Variants in EXT2 observed in about 807,000 individuals in gnomAD.
EXT2 encodes exostosin glycosyltransferase 2.
EXT2 carries 53 observed loss-of-function variants against 81.6 expected under a neutral mutation model. The ratio of observed to expected loss-of-function variants is 0.65; its 90% CI spans 0.52 to 0.82. EXT2 has a LOEUF of 0.82. Ranked by LOEUF, EXT2 falls within the 40% of genes least tolerant of loss-of-function variation. The pLI, the probability that EXT2 is intolerant of heterozygous loss-of-function variation, is 0.00. For synonymous variants in EXT2, 320 were observed against 340.0 expected (o/e 0.94, Z 0.65); for missense variants, 774 against 910.2 (o/e 0.85, Z 1.93).
At chr11:44,212,713 A>G (rs1027265312) in intron 10 of EXT2, among the ~76,000 whole-genome samples, 1 of 152,248 alleles carries the variant, frequency 6.6e-6, no homozygotes, top group Non-Finnish European at 1.5e-5. Context: ...CAGAATGTGG[A>G]GTATCTATAC....
At chr11:44,176,543 A>G (rs1955160676) in intron 8 of EXT2, among the ~76,000 whole-genome samples, 1 of 152,324 alleles carries the variant, frequency 6.6e-6, no homozygotes, top group African/African-American at 2.4e-5. Context: ...TCAGGTGACA[A>G]GAGCCCTGAT....
chr11:44,206,760 G>A (rs759434861), intron 9 of EXT2, 33 bp from the exon 10 acceptor site: 11 of 1,612,178 alleles, frequency 6.8e-6, no homozygotes, highest in Non-Finnish European at 9.3e-6. Flanking sequence ...ACAAAAGTTA[G>A]GAGAATAGTA....
chr11:44,229,665 A>G (rs1955876054), intron 10 of EXT2, among the ~76,000 whole-genome samples: 1 of 152,226 alleles, frequency 6.6e-6, no homozygotes, highest in Non-Finnish European at 1.5e-5. Context: ...TTAGTGGGGA[A>G]TTAGGACTGT....
chr11:44,147,061 T>C (rs753784559), intron 7 of EXT2, among the ~76,000 whole-genome samples: 5 of 152,294 alleles, frequency 3.3e-5, no homozygotes, highest in Admixed American at 6.5e-5. Context: ...AGATTGTTAA[T>C]TTATCCTTGT....
At position 44,130,555 on chromosome 11, in the gene EXT2, T is replaced by C. The variant is rs184594959; in HGVS notation, c.1173+417T>C. Among the ~76,000 whole-genome samples, 343 of 152,326 alleles carry C rather than the reference T, an allele frequency of 2.3e-3. 2 individuals carry two copies. The highest frequency in any genetic ancestry group is 3.7e-3 in the Non-Finnish European group (249 of 68,036). On this transcript the variant is annotated intron_variant, in intron 7 of 13. Transcript: ENST00000533608. The stretch of plus-strand genomic sequence containing the variant: ...TTCCCAGTTCAGTCATCCTTTGTAA[T>C]TCGGGAATCCTTCCCTCTCTTCTGG...
In EXT2 at chr11:44,249,334, G is replaced by C. The variant is rs938719471; in HGVS notation, c.*5047G>C. On this transcript the variant is annotated 3_prime_UTR_variant, in exon 14 of 14. Coordinates refer to ENST00000533608, the MANE Select transcript of EXT2 (RefSeq NM_207122.2). ...TTTTTCCTTTCTTCTGCTCTCAGTT[G>C]GTTGGACCACTGGTTGCATCTCTTC... 6.7e-5 allele frequency among the ~76,000 whole-genome samples: 10 copies of C among 149,514 alleles called. No individual in the cohort carries two copies. Among genetic ancestry groups the C allele is most frequent in the African/African-American group, 2.4e-4 (10 of 41,190 alleles).
chr11:44,133,029 C>T (rs542673394), intron 7 of EXT2, among the ~76,000 whole-genome samples: 1 of 152,172 alleles, frequency 6.6e-6, no homozygotes, highest in African/African-American at 2.4e-5. Flanking sequence ...AATAGCACCC[C>T]TCCCCTCAGT....
chr11:44,123,631 T>A (rs914299617), intron 4 of EXT2, among the ~76,000 whole-genome samples: 8 of 152,198 alleles, frequency 5.3e-5, no homozygotes, highest in Non-Finnish European at 1.2e-4. Context: ...GCATTCCAAA[T>A]CCAGAAATCT....
chr11:44,165,747 G>A lies in EXT2; in HGVS notation c.1174-5864G>A, dbSNP rs568097799. On this transcript the variant is annotated intron_variant, in intron 7 of 13. Transcript: ENST00000533608. ...TGATAGACCCAGTTGGGTAGAAAAG[G>A]AGATAAATATTCAGGATATATATGT... Among the ~76,000 whole-genome samples the A allele has an allele frequency of 1.0e-3, 155 of 152,312 alleles. 1 individual carries two copies. Among genetic ancestry groups the A allele is most frequent in the African/African-American group, 3.7e-3 (153 of 41,568 alleles).
chr11:44,212,792 G>A (rs1276340173), intron 10 of EXT2, among the ~76,000 whole-genome samples: 1 of 152,146 alleles, frequency 6.6e-6, no homozygotes, highest in Non-Finnish European at 1.5e-5. Context: ...AATCTCAGAA[G>A]TGTTATGCTA....
At chr11:44,169,199 G>A (rs552888271) in intron 7 of EXT2, among the ~76,000 whole-genome samples, 1 of 152,096 alleles carries the variant, frequency 6.6e-6, no homozygotes, top group Admixed American at 6.5e-5. Flanking sequence ...CAGCCTGGGT[G>A]ACAGAGTGAG....
intron 7 of EXT2, among the ~76,000 whole-genome samples, chr11:44,143,977 G>A (rs937466242): frequency 5.9e-5 from 9 of 152,156 alleles, no homozygotes; most frequent in African/African-American, 1.4e-4. Flanking sequence ...GATTTCTCCC[G>A]TCTTACTCCC....
intron 13 of EXT2, among the ~76,000 whole-genome samples, chr11:44,242,249 A>G (rs1281045617): frequency 1.3e-5 from 2 of 152,240 alleles, no homozygotes; most frequent in Non-Finnish European, 2.9e-5. Context: ...TACAGGCGGA[A>G]CAACAGTCAA....
chr11:44,231,925 T>C (rs116814835), intron 10 of EXT2, among the ~76,000 whole-genome samples: 2 of 152,188 alleles, frequency 1.3e-5, no homozygotes, highest in African/African-American at 4.8e-5. Context: ...TGCTTTTTTT[T>C]AATAAGAAAT....
intron 7 of EXT2, among the ~76,000 whole-genome samples, chr11:44,160,177 C>T (rs1954910111): frequency 6.6e-6 from 1 of 152,164 alleles, no homozygotes; most frequent in Non-Finnish European, 1.5e-5. Context: ...CTGGGTTTCC[C>T]TGGAGTTTTT....
chr11:44,224,389 ATATAT>A (rs980367774), intron 10 of EXT2, among the ~76,000 whole-genome samples: 5 of 152,126 alleles, frequency 3.3e-5, no homozygotes, highest in South Asian at 2.1e-4. Flanking sequence ...ATATGTGTAC[ATATAT>A]TAGATATATG....
chr11:44,176,825 G>T (rs556826872), intron 8 of EXT2, among the ~76,000 whole-genome samples: 1 of 151,832 alleles, frequency 6.6e-6, no homozygotes, highest in African/African-American at 2.4e-5. Flanking sequence ...TACACTCTTA[G>T]GGTCTCCAGC....
At chr11:44,183,210 T>C (rs1263189672) in intron 8 of EXT2, among the ~76,000 whole-genome samples, 1 of 152,210 alleles carries the variant, frequency 6.6e-6, no homozygotes, top group Non-Finnish European at 1.5e-5. Context: ...GTTTCTCCAA[T>C]GTCATGCCAA....
intron 6 of EXT2, among the ~76,000 whole-genome samples, chr11:44,128,518 G>A (rs1565205288): frequency 6.6e-6 from 1 of 152,176 alleles, no homozygotes. Context: ...GTGTAGTGGT[G>A]GAAGACAGAG....
Sources: allele counts gnomAD v4.1 joint callset (sites outside exome capture counted in the v4.1 genomes callset), GRCh38; gene constraint gnomAD v4.1.1; transcripts MANE v1.5; gene names NCBI Gene and HGNC (gene_info 2026-07-23, HGNC 2026-07-21).